NXPE2: variants seen among roughly 807,000 people sequenced by gnomAD.
NXPE2 encodes NXPE family member 2.
In NXPE2, 34 loss-of-function variants were observed where a neutral mutation model predicts 34.4. That is an observed-to-expected ratio of 0.99 (90% CI 0.75 to 1.31). The LOEUF (loss-of-function observed/expected upper bound fraction) is 1.31. NXPE2 is among the 40% of genes most tolerant of loss of function. The pLI is 0.00. For synonymous variants in NXPE2, 235 were observed against 231.3 expected, an observed-to-expected ratio of 1.02 and a Z score of -0.15; for missense variants, 649 against 672.5, an observed-to-expected ratio of 0.97 and a Z score of 0.39.
the NXPE2 span, among the ~76,000 whole-genome samples, chr11:114,614,845 G>A: frequency 2.0e-5 from 3 of 151,920 alleles, no homozygotes; most frequent in African/African-American, 7.2e-5. Context: ...GATAACAAGT[G>A]TTGCCTTATG....
the NXPE2 span, among the ~76,000 whole-genome samples, chr11:114,509,479 C>T: frequency 6.6e-6 from 1 of 152,050 alleles, no homozygotes; most frequent in Non-Finnish European, 1.5e-5. Flanking sequence ...TGCATATGCT[C>T]GTTGTGACAC....
chr11:114,771,338 A>G, the NXPE2 span, among the ~76,000 whole-genome samples: 1,275 of 150,286 alleles, frequency 8.5e-3, 9 homozygotes, highest in Middle Eastern at 0.017. Context: ...TCCAGGTCCT[A>G]AGTGACAGCA....
At chr11:114,495,717 G>A in the NXPE2 span, among the ~76,000 whole-genome samples, 1 of 152,142 alleles carries the variant, frequency 6.6e-6, no homozygotes, top group Non-Finnish European at 1.5e-5. Context: ...GGGCTCTTTA[G>A]TTAGTAGACG....
the NXPE2 span, among the ~76,000 whole-genome samples, chr11:114,481,447 G>C: frequency 6.6e-6 from 1 of 152,184 alleles, no homozygotes; most frequent in African/African-American, 2.4e-5. Flanking sequence ...CAACAATAGC[G>C]CTTTCCTTAG....
At chr11:114,573,704 C>T in the NXPE2 span, among the ~76,000 whole-genome samples, 1 of 151,754 alleles carries the variant, frequency 6.6e-6, no homozygotes, top group Non-Finnish European at 1.5e-5. Flanking sequence ...CTGGAGCTCC[C>T]AAATTTACAA....
chr11:114,691,959 A>G (rs1415830353), intron 2 of NXPE2, among the ~76,000 whole-genome samples: 2 of 152,238 alleles, frequency 1.3e-5, no homozygotes, highest in Non-Finnish European at 2.9e-5. Flanking sequence ...GTCCCCGGCT[A>G]CAAGCCTCAC....
chr11:114,530,570 T>C, the NXPE2 span: 1 of 1,614,012 alleles, frequency 6.2e-7, no homozygotes, highest in Non-Finnish European at 8.5e-7. Flanking sequence ...CCGTCAGTGC[T>C]GGGGAGGACA....
chr11:114,740,160 G>A, the NXPE2 span, among the ~76,000 whole-genome samples: 8 of 152,120 alleles, frequency 5.3e-5, no homozygotes, highest in Admixed American at 3.3e-4. Flanking sequence ...ACAATAGACT[G>A]TAATTAAAGT....
the NXPE2 span, among the ~76,000 whole-genome samples, chr11:114,511,873 G>T: frequency 1.3e-5 from 2 of 151,648 alleles, no homozygotes; most frequent in African/African-American, 4.8e-5. Context: ...TGCTTTCCAT[G>T]AGTGGAAGTT....
chr11:114,693,450 C>T lies in NXPE2; in HGVS notation c.133-4595C>T, dbSNP rs138056021. ...AGGCTTTGGGAATTTAATTATGGAC[C>T]GGACCGCTGCCCATGTCCCAGACTG... On this transcript the variant is annotated intron_variant, in intron 2 of 5. Transcript: ENST00000389586. 3.2e-3 allele frequency among the ~76,000 whole-genome samples: 483 copies of T among 152,238 alleles called. 1 individual carries two copies. The highest frequency in any genetic ancestry group is 0.011 in the African/African-American group (440 of 41,510).
the NXPE2 span, among the ~76,000 whole-genome samples, chr11:114,591,007 T>C: frequency 1.3e-5 from 2 of 152,160 alleles, no homozygotes; most frequent in African/African-American, 4.8e-5. Context: ...TGAACATGAC[T>C]GTGAGCAAGT....
chr11:114,698,049 C>T lies in NXPE2; in HGVS notation c.137C>T (p.Ser46Leu), dbSNP rs769161696. Residue 46 changes from serine to leucine, a missense_variant, in exon 3 of 6, where the codon TCG becomes TTG. By Grantham distance (145) the Ser-to-Leu change is moderately radical. Transcript: ENST00000389586. The part of the protein sequence containing the change: ...YLASKDHTKF[S>L]FNLENHIILN... ...TTTTCCCTTTCAATATTTCAGTTCT[C>T]GTTCAACTTGGAAAACCATATTATC... 1.1e-5 allele frequency: 16 copies of T among 1,492,684 alleles called. No individual in the cohort carries two copies. The highest frequency in any genetic ancestry group is 7.1e-5 in the Admixed American group (3 of 42,526). 92.5% of individuals were successfully genotyped at this position (1,492,684 alleles called of 1,614,324 possible).
At chr11:114,721,746 T>A in the NXPE2 span, among the ~76,000 whole-genome samples, 2 of 152,040 alleles carry the variant, frequency 1.3e-5, no homozygotes, top group South Asian at 4.2e-4. Flanking sequence ...ATTTTATAGA[T>A]GAAAAAACTG....
the NXPE2 span, among the ~76,000 whole-genome samples, chr11:114,628,775 C>A: frequency 1.3e-5 from 2 of 151,420 alleles, no homozygotes; most frequent in Middle Eastern, 3.4e-3. Context: ...AGAAAGCTAG[C>A]AAGACTAATA....
At chr11:114,784,558 C>T in the NXPE2 span, among the ~76,000 whole-genome samples, 1 of 151,912 alleles carries the variant, frequency 6.6e-6, no homozygotes, top group African/African-American at 2.4e-5. Flanking sequence ...ACAAAGACAA[C>T]GGAGCAAGCT....
At chr11:114,537,671 C>T in the NXPE2 span, among the ~76,000 whole-genome samples, 1 of 152,038 alleles carries the variant, frequency 6.6e-6, no homozygotes, top group African/African-American at 2.4e-5. Flanking sequence ...TGAGTGAACT[C>T]CCATTCACAA....
At chr11:114,683,503 C>T (rs1234209819) in intron 2 of NXPE2, among the ~76,000 whole-genome samples, 4 of 151,554 alleles carry the variant, frequency 2.6e-5, no homozygotes. Flanking sequence ...TCACTGCAAC[C>T]TCCGCCTCCT....
At chr11:114,623,482 G>C in the NXPE2 span, among the ~76,000 whole-genome samples, 1 of 151,934 alleles carries the variant, frequency 6.6e-6, no homozygotes, top group Non-Finnish European at 1.5e-5. Flanking sequence ...ATTTCCTCTC[G>C]GGTAACCACT....
chr11:114,529,531 C>T, the NXPE2 span: 1 of 146,666 alleles, frequency 6.8e-6, no homozygotes, highest in Admixed American at 6.8e-5. Context: ...AAACATGCTT[C>T]CATCCCAGTT....
Sources: allele counts gnomAD v4.1 joint callset (sites outside exome capture counted in the v4.1 genomes callset), GRCh38; gene constraint gnomAD v4.1.1; transcripts MANE v1.5; gene names NCBI Gene and HGNC (gene_info 2026-07-23, HGNC 2026-07-21).